RETREG3: variants seen among roughly 807,000 people sequenced by gnomAD.
The protein encoded by RETREG3 is reticulophagy regulator 3.
In RETREG3, 23 loss-of-function variants were observed where a neutral mutation model predicts 50.2. The observed-to-expected ratio is 0.46, with a 90% CI of 0.33 to 0.65. The LOEUF (loss-of-function observed/expected upper bound fraction) is 0.65. Among genes scored for constraint, RETREG3 ranks in the 30% least tolerant of loss-of-function variants. The pLI, the probability that RETREG3 is intolerant of heterozygous loss-of-function variation, is 0.02. For missense variants in RETREG3, 546 were observed against 598.0 expected (o/e 0.91, Z 0.91); for synonymous variants, 240 against 234.4 (o/e 1.02, Z -0.22).
intron 1 of RETREG3, among the ~76,000 whole-genome samples, chr17:42,598,320 A>T (rs925928596): frequency 6.6e-6 from 1 of 152,128 alleles, no homozygotes; most frequent in Non-Finnish European, 1.5e-5. Context: ...TTCCAAAAAA[A>T]GATAAATCTG....
At chr17:42,583,997 G>A (rs986260012) in intron 6 of RETREG3, among the ~76,000 whole-genome samples, 10 of 152,072 alleles carry the variant, frequency 6.6e-5, no homozygotes, top group East Asian at 3.9e-4. Flanking sequence ...TAGTAGAGAC[G>A]GGGTTTCATC....
At chr17:42,584,996 A>T in intron 6 of RETREG3, 129 bp downstream of exon 6, 1 of 1,121,414 alleles carries the variant, frequency 8.9e-7, no homozygotes, top group Admixed American at 2.3e-5. Context: ...ATTTTTACCT[A>T]TCAATCCTCA....
At chr17:42,600,140 T>G (rs184274394) in intron 1 of RETREG3, among the ~76,000 whole-genome samples, 78 of 152,106 alleles carry the variant, frequency 5.1e-4, no homozygotes, top group African/African-American at 1.8e-3. Context: ...CCCAATACTT[T>G]GGGAGGCCGA....
At chr17:42,585,100 G>A (rs2093118598) in intron 6 of RETREG3, 25 bp downstream of exon 6, 2 of 1,608,086 alleles carry the variant, frequency 1.2e-6, no homozygotes, top group Admixed American at 3.3e-5. Context: ...TGCGTAAGTG[G>A]AAAGAATGAC....
rs772129962 is a variant in RETREG3 at position 42,583,554 on chromosome 17, G to T, written c.754C>A (p.Arg252=). 1 of 1,613,658 alleles carries T rather than the reference G, an allele frequency of 6.2e-7. No individual in the cohort carries two copies. Among genetic ancestry groups the T allele is most frequent in the Admixed American group, 1.7e-5 (1 of 59,990 alleles). The change falls in exon 7 of 9, where the codon CGA becomes AGA. Residue 252 remains arginine, a synonymous_variant. Coordinates refer to ENST00000309428, the MANE Select transcript of RETREG3 (RefSeq NM_178126.4). ...CTGTCACTGTGGTTGTCCATGGCTC[G>T]TTCTGGGTGGAGAGCTCTGCGGCGT... ...QLRRRALHPE[R]AMDNHSDSEE...
At chr17:42,597,127 A>G (rs4028640) in intron 1 of RETREG3, among the ~76,000 whole-genome samples, 141,465 of 151,776 alleles carry the variant, frequency 0.93, 65,978 homozygotes, top group East Asian at 1. Flanking sequence ...GCCCGCTTCG[A>G]CCTCCCAAAG....
At chr17:42,608,164 C>G (rs902864502) in intron 1 of RETREG3, among the ~76,000 whole-genome samples, 1 of 152,190 alleles carries the variant, frequency 6.6e-6, no homozygotes, top group Non-Finnish European at 1.5e-5. Flanking sequence ...TAGTCTTAAT[C>G]CATTCAGCAG....
rs1338368767 is a variant in RETREG3, at chr17:42,585,341, G to A, written c.590-79C>T. 6.4e-6 allele frequency: 10 copies of A among 1,558,826 alleles called. No individual in the cohort carries two copies. The East Asian group carries it at 1.6e-4, about 25-fold the overall frequency. On this transcript the variant is annotated intron_variant, in intron 5 of 8. Coordinates refer to ENST00000309428, the MANE Select transcript of RETREG3 (RefSeq NM_178126.4). ...ATTCCCAACTGTAGCGCTGCTATTGGTCCTTAGGGCTTGGACACAAAGTGT... is the reference window on the plus strand; with the variant it reads ...ATTCCCAACTGTAGCGCTGCTATTGATCCTTAGGGCTTGGACACAAAGTGT...
intron 1 of RETREG3, among the ~76,000 whole-genome samples, chr17:42,602,688 T>C (rs2093160771): frequency 6.6e-6 from 1 of 152,166 alleles, no homozygotes; most frequent in South Asian, 2.1e-4. Context: ...ACACCTGTAA[T>C]CCCAGCACTT....
chr17:42,602,773 T>G (rs2093160912), intron 1 of RETREG3, among the ~76,000 whole-genome samples: 1 of 152,012 alleles, frequency 6.6e-6, no homozygotes, highest in African/African-American at 2.4e-5. Context: ...GAAACCTTGT[T>G]TCTACGAAAA....
rs2093110074 is a variant in RETREG3 at position 42,582,009 on chromosome 17, G to A, written c.1205C>T (p.Ser402Phe). The A allele has an allele frequency of 8.7e-6, 14 of 1,614,128 alleles. No individual in the cohort carries two copies. Among genetic ancestry groups the A allele is most frequent in the Non-Finnish European group, 1.0e-5 (12 of 1,180,020 alleles). ...NLTSNLASLV[S>F]QGMIQLALSG... ...CAAGGCCAGCTGAATCATACCCTGG[G>A]AGACCAGGCTGGCAAGGTTGCTGGT... The change falls in exon 9 of 9, where the codon TCC becomes TTC. Residue 402 changes from serine (S) to phenylalanine (F), a missense_variant. Ser to Phe is a radical substitution (Grantham distance 155). Transcript: ENST00000309428.
At chr17:42,583,350 A>T in intron 7 of RETREG3, 148 bp downstream of exon 7, 1 of 609,100 alleles carries the variant, frequency 1.6e-6, no homozygotes, top group Non-Finnish European at 2.7e-6. Flanking sequence ...ATTGAGATCT[A>T]GGAACAAAGT....
chr17:42,603,044 A>ATT (rs141119889), intron 1 of RETREG3, among the ~76,000 whole-genome samples: 5 of 151,210 alleles, frequency 3.3e-5, no homozygotes, highest in African/African-American at 1.2e-4. Flanking sequence ...ATATCCATTG[A>ATT]TTTTTTTTTC....
chr17:42,582,357 G>A, intron 8 of RETREG3, 87 bp from the exon 9 acceptor site: 1 of 1,320,230 alleles, frequency 7.6e-7, no homozygotes, highest in South Asian at 1.4e-5. Flanking sequence ...TTCCCACCCT[G>A]GCTTTCTCAG....
intron 3 of RETREG3, 80 bp downstream of exon 3, chr17:42,587,754 T>A (rs1348645738): frequency 6.5e-7 from 1 of 1,544,884 alleles, no homozygotes; most frequent in Non-Finnish European, 8.9e-7. Context: ...GTCCAGAACA[T>A]GGGGTTAACA....
chr17:42,587,263 G>C (rs2093123212), intron 3 of RETREG3, among the ~76,000 whole-genome samples: 1 of 152,218 alleles, frequency 6.6e-6, no homozygotes, highest in Non-Finnish European at 1.5e-5. Flanking sequence ...CACCACTGCT[G>C]CTAAGGGGGA....
intron 8 of RETREG3, 123 bp from the exon 9 acceptor site, chr17:42,582,393 A>G (rs2143367647): frequency 2.1e-6 from 2 of 962,068 alleles, no homozygotes; most frequent in Admixed American, 2.7e-5. Flanking sequence ...TGGGACTGGT[A>G]TACCTTTCCC....
intron 1 of RETREG3, among the ~76,000 whole-genome samples, chr17:42,594,377 G>T: frequency 6.6e-6 from 1 of 151,956 alleles, no homozygotes; most frequent in East Asian, 1.9e-4. Context: ...ACAACATGGC[G>T]AAACCCTGTC....
At chr17:42,593,412 G>A (rs1352581104) in intron 1 of RETREG3, among the ~76,000 whole-genome samples, 1 of 152,092 alleles carries the variant, frequency 6.6e-6, no homozygotes, top group Non-Finnish European at 1.5e-5. Flanking sequence ...CACTTTGGGA[G>A]GCAGAGGCGG....
Sources: allele counts gnomAD v4.1 joint callset (sites outside exome capture counted in the v4.1 genomes callset), GRCh38; gene constraint gnomAD v4.1.1; transcripts MANE v1.5; gene names NCBI Gene and HGNC (gene_info 2026-07-23, HGNC 2026-07-21).